Variants in CREM observed in about 807,000 individuals in gnomAD.
CREM encodes the protein cAMP responsive element modulator.
Under a neutral mutation model 37.3 loss-of-function variants are expected in CREM, and 13 were observed. The observed-to-expected ratio is 0.35, with a 90% CI of 0.23 to 0.55. The LOEUF is 0.55. CREM is among the 20% of genes least tolerant of loss of function. The pLI is 0.88. For synonymous variants in CREM, 124 were observed against 120.2 expected (o/e 1.03, Z -0.21); for missense variants, 296 against 362.3 (o/e 0.82, Z 1.49).
At chr10:35,175,810 A>G in intron 3 of CREM, 2 of 1,611,696 alleles carry the variant, frequency 1.2e-6, no homozygotes, top group East Asian at 4.5e-5. Context: ...AACAATAACA[A>G]AAAAGGTCCA....
chr10:35,159,677 C>G (rs1264344978), intron 3 of CREM, among the ~76,000 whole-genome samples: 1 of 152,120 alleles, frequency 6.6e-6, no homozygotes, highest in East Asian at 1.9e-4. Context: ...TTTGATACAA[C>G]CTTAAAAGCA....
intron 7 of CREM, among the ~76,000 whole-genome samples, chr10:35,209,576 A>G (rs184986433): frequency 5.3e-5 from 8 of 152,362 alleles, no homozygotes; most frequent in African/African-American, 7.2e-5. Flanking sequence ...ATGAGTATTT[A>G]TAATAGCTTA....
At chr10:35,184,052 C>T (rs999062675) in intron 5 of CREM, among the ~76,000 whole-genome samples, 1 of 152,100 alleles carries the variant, frequency 6.6e-6, no homozygotes, top group Non-Finnish European at 1.5e-5. Context: ...TCAGCCTGGG[C>T]GAGAAGAGTG....
intron 3 of CREM, among the ~76,000 whole-genome samples, chr10:35,169,773 A>G (rs2093715962): frequency 6.6e-6 from 1 of 152,020 alleles, no homozygotes. Context: ...TCCCATCAAT[A>G]CCTAATTTAT....
intron 5 of CREM, among the ~76,000 whole-genome samples, chr10:35,186,673 TATA>T (rs1458714317): frequency 2.8e-5 from 4 of 140,626 alleles, no homozygotes; most frequent in East Asian, 2.0e-4. Flanking sequence ...CATATATAAT[TATA>T]ATAAATATAT....
intron 3 of CREM, 41 bp downstream of exon 3, chr10:35,148,532 G>A (rs1372371475): frequency 1.3e-6 from 2 of 1,583,310 alleles, no homozygotes; most frequent in African/African-American, 2.7e-5. Context: ...AAAATATATG[G>A]AAATGAGAAT....
chr10:35,143,331 G>C (rs996719521), intron 2 of CREM, among the ~76,000 whole-genome samples: 1 of 152,180 alleles, frequency 6.6e-6, no homozygotes, highest in Non-Finnish European at 1.5e-5. Flanking sequence ...GAAGAAAGGG[G>C]GAGGCAGATG....
chr10:35,169,290 G>C (rs1193835547), intron 3 of CREM, among the ~76,000 whole-genome samples: 1 of 152,108 alleles, frequency 6.6e-6, no homozygotes, highest in Non-Finnish European at 1.5e-5. Context: ...GTGGTTTGTA[G>C]TTCTCCTTGA....
intron 3 of CREM, among the ~76,000 whole-genome samples, chr10:35,165,394 G>A (rs747545922): frequency 3.9e-5 from 6 of 152,122 alleles, no homozygotes; most frequent in Non-Finnish European, 8.8e-5. Context: ...CTCCAACATT[G>A]AGGATTATAT....
chr10:35,199,283 C>T (rs1210937780), intron 6 of CREM, among the ~76,000 whole-genome samples: 1 of 152,138 alleles, frequency 6.6e-6, no homozygotes, highest in Non-Finnish European at 1.5e-5. Context: ...ACCAAATCTG[C>T]AGGGTGAAAT....
At chr10:35,210,555 A>G (rs933894481) in intron 7 of CREM, 10 of 152,304 alleles carry the variant, frequency 6.6e-5, no homozygotes, top group African/African-American at 2.4e-4. Context: ...TCTTTTTTAT[A>G]ATTTTAATTG....
chr10:35,138,698 A>T (rs911019639), intron 2 of CREM, among the ~76,000 whole-genome samples: 3 of 151,510 alleles, frequency 2.0e-5, no homozygotes, highest in African/African-American at 7.3e-5. Context: ...TAATTTTTTT[A>T]ATTTTATATT....
At position 35,211,834 on chromosome 10, in the gene CREM, G is replaced by A. The variant is rs1277798082; in HGVS notation, c.*436G>A. 2 of 1,564,996 alleles carry A rather than the reference G, an allele frequency of 1.3e-6. No homozygotes were observed. Among genetic ancestry groups the A allele is most frequent in the Non-Finnish European group, 1.7e-6 (2 of 1,157,986 alleles). ...TTTAACTATGAACTGAAGGCAGCATGTATAGTTGCTTTTGAAGGAATACAA... is the reference window on the plus strand; with the variant it reads ...TTTAACTATGAACTGAAGGCAGCATATATAGTTGCTTTTGAAGGAATACAA... On this transcript the variant is annotated 3_prime_UTR_variant, in exon 8 of 8. Transcript: ENST00000685392.
chr10:35,145,776 C>CAA (rs370248344), intron 2 of CREM, among the ~76,000 whole-genome samples: 4,285 of 83,286 alleles, frequency 0.051, 305 homozygotes, highest in African/African-American at 0.062. Flanking sequence ...GACTCTGCCT[C>CAA]AAAAAAAAAA....
intron 5 of CREM, among the ~76,000 whole-genome samples, chr10:35,180,734 G>A (rs55914658): frequency 0.15 from 22,938 of 152,154 alleles, 1,951 homozygotes; most frequent in East Asian, 0.24. Flanking sequence ...TTTTAGAACT[G>A]TAAAACTGAA....
At chr10:35,170,887 A>G (rs1346903785) in intron 3 of CREM, among the ~76,000 whole-genome samples, 2 of 152,186 alleles carry the variant, frequency 1.3e-5, no homozygotes, top group East Asian at 1.9e-4. Context: ...GTGAGAATGT[A>G]GAATGATAGT....
At chr10:35,195,884 T>G (rs1023784045) in intron 6 of CREM, 29 of 617,432 alleles carry the variant, frequency 4.7e-5, no homozygotes, top group Admixed American at 3.7e-4. Flanking sequence ...TGTGATTTAG[T>G]CAGTTCCTTT....
intron 5 of CREM, among the ~76,000 whole-genome samples, chr10:35,181,006 TG>T (rs2094329360): frequency 1.3e-5 from 2 of 152,256 alleles, no homozygotes; most frequent in South Asian, 2.1e-4. Flanking sequence ...ACCACTAAGA[TG>T]CTGTCATCGT....
chr10:35,201,528 A>T, intron 6 of CREM: 1 of 1,551,434 alleles, frequency 6.4e-7, no homozygotes, highest in African/African-American at 1.4e-5. Flanking sequence ...TCCAAACCCC[A>T]TGCTTTTTCT....
Sources: gnomAD v4.1 joint callset for allele counts (sites outside exome capture counted in the v4.1 genomes callset) on GRCh38, gnomAD v4.1.1 for gene constraint, MANE v1.5 for transcripts, NCBI Gene and HGNC (gene_info 2026-07-23, HGNC 2026-07-21) for gene names.